CD247: variants seen among roughly 807,000 people sequenced by gnomAD.
CD247 encodes the protein CD247 molecule.
In CD247, 13 loss-of-function variants were observed where a neutral mutation model predicts 30.0. The observed-to-expected ratio is 0.43, with a 90% CI of 0.28 to 0.69. The LOEUF (loss-of-function observed/expected upper bound fraction) is 0.69. Ranked by LOEUF, CD247 falls within the 30% of genes least tolerant of loss-of-function variation. CD247 has a pLI of 0.16. For missense variants in CD247, 193 were observed against 212.6 expected, an observed-to-expected ratio of 0.91 and a Z score of 0.57; for synonymous variants, 72 against 80.0, an observed-to-expected ratio of 0.90 and a Z score of 0.53.
intron 1 of CD247, among the ~76,000 whole-genome samples, chr1:167,504,562 C>T (rs182555239): frequency 1.5e-3 from 223 of 152,316 alleles, no homozygotes; most frequent in African/African-American, 5.2e-3. Context: ...GCTGGCATAG[C>T]CTAACAGGAC....
chr1:167,486,442 T>A (rs1011790749), intron 1 of CD247, among the ~76,000 whole-genome samples: 1 of 152,192 alleles, frequency 6.6e-6, no homozygotes, highest in African/African-American at 2.4e-5. Context: ...AGACTGTTTA[T>A]GTGAAAATAC....
At chr1:167,490,899 C>A (rs1290143257) in intron 1 of CD247, among the ~76,000 whole-genome samples, 33 of 151,910 alleles carry the variant, frequency 2.2e-4, no homozygotes, top group Non-Finnish European at 1.5e-4. Context: ...GATCACACCA[C>A]TACATTCCAG....
chr1:167,509,583 T>C (rs773014866), intron 1 of CD247, among the ~76,000 whole-genome samples: 11 of 152,118 alleles, frequency 7.2e-5, no homozygotes, highest in Non-Finnish European at 1.6e-4. Context: ...TTTGGGGAGC[T>C]GTTGACATTT....
In CD247 at chr1:167,465,588, C is replaced by T. The variant is rs1374613339; in HGVS notation, c.59-24821G>A. ...TCAGGTGATCCATCTGCCTAGGCCT[C>T]CAAAAGTTCTGGTATTACAGGCGTG... On this transcript the variant is annotated intron_variant, in intron 1 of 7. Coordinates refer to ENST00000362089, the MANE Select transcript of CD247 (RefSeq NM_198053.3). Among the ~76,000 whole-genome samples the T allele has an allele frequency of 2.0e-5, 3 of 152,120 alleles. No homozygotes were observed. In the East Asian group the frequency reaches 5.8e-4, roughly 29 times the overall value.
intron 1 of CD247, among the ~76,000 whole-genome samples, chr1:167,454,481 GC>G (rs1245764496): frequency 6.6e-6 from 1 of 152,262 alleles, no homozygotes; most frequent in Non-Finnish European, 1.5e-5. Flanking sequence ...AGGAACAGGG[GC>G]TGGCCCATTT....
rs56297636 is a variant in CD247 at position 167,438,581 on chromosome 1, C to T, written c.289G>A (p.Gly97Arg). 3.1e-6 allele frequency: 5 copies of T among 1,613,740 alleles called. No individual in the cohort carries two copies. Among genetic ancestry groups the T allele is most frequent in the Non-Finnish European group, 3.4e-6 (4 of 1,179,752 alleles). ...AGAGGAACCCCTACCGGCTTTCCCC[C>T]CATCTCAGGGTCCCGGCCACGTCTC... is the stretch of plus-strand genomic sequence containing the variant. Reference protein sequence around the residue: ...DKRRGRDPEMGGKPQRRKNPQ... With the variant: ...DKRRGRDPEMRGKPQRRKNPQ... The change falls in exon 4 of 8, where the codon GGG (glycine) becomes AGG (arginine). Residue 97 changes from glycine to arginine, a missense_variant. Coordinates refer to ENST00000362089, the MANE Select transcript of CD247 (RefSeq NM_198053.3).
At chr1:167,436,530 C>T (rs1310370747) in intron 4 of CD247, among the ~76,000 whole-genome samples, 4 of 152,180 alleles carry the variant, frequency 2.6e-5, no homozygotes, top group African/African-American at 9.7e-5. Flanking sequence ...CTTCAATAAA[C>T]GGTGTTGGAA....
At chr1:167,513,862 TG>T (rs1173177797) in intron 1 of CD247, among the ~76,000 whole-genome samples, 1 of 152,244 alleles carries the variant, frequency 6.6e-6, no homozygotes, top group East Asian at 1.9e-4. Context: ...ACTTTAATAA[TG>T]GCAGGGTTTT....
intron 1 of CD247, chr1:167,448,597 T>C: frequency 1.1e-6 from 1 of 895,786 alleles, no homozygotes; most frequent in Non-Finnish European, 1.3e-6. Flanking sequence ...CACCCTGAAC[T>C]GCAGAACGAC....
intron 2 of CD247, 140 bp from the exon 3 acceptor site, chr1:167,439,540 G>A: frequency 1.3e-6 from 1 of 749,904 alleles, no homozygotes; most frequent in Non-Finnish European, 2.3e-6. Context: ...TCCTGGGGCT[G>A]AGCCCTTGCA....
At chr1:167,448,583 C>T (rs957225154) in intron 1 of CD247, 3 of 950,526 alleles carry the variant, frequency 3.2e-6, no homozygotes, top group Admixed American at 6.2e-5. Flanking sequence ...GGAGATACCT[C>T]AATCACCCTG....
intron 1 of CD247, among the ~76,000 whole-genome samples, chr1:167,443,741 T>G (rs1377799796): frequency 6.6e-6 from 1 of 152,214 alleles, no homozygotes; most frequent in Non-Finnish European, 1.5e-5. Flanking sequence ...CCCTCCTTCC[T>G]TCTTCCTTTC....
intron 1 of CD247, among the ~76,000 whole-genome samples, chr1:167,478,566 A>G (rs913541419): frequency 3.3e-5 from 5 of 152,312 alleles, no homozygotes; most frequent in Admixed American, 1.3e-4. Context: ...CTAAAAACCA[A>G]TTGGAGAGGC....
intron 1 of CD247, among the ~76,000 whole-genome samples, chr1:167,497,221 C>T (rs34048998): frequency 0.011 from 1,609 of 152,216 alleles, 27 homozygotes; most frequent in African/African-American, 0.036. Context: ...AAATAAAATG[C>T]ACATATCCAA....
At chr1:167,484,040 G>A (rs1490318235) in intron 1 of CD247, among the ~76,000 whole-genome samples, 1 of 152,224 alleles carries the variant, frequency 6.6e-6, no homozygotes, top group Admixed American at 6.5e-5. Context: ...GTCAAGGCTG[G>A]GGAGCCTGAA....
chr1:167,451,808 G>T (rs1481162219), intron 1 of CD247, among the ~76,000 whole-genome samples: 2 of 152,222 alleles, frequency 1.3e-5, no homozygotes, highest in Non-Finnish European at 2.9e-5. Flanking sequence ...TCGTGTCCTT[G>T]TAAGAAGACA....
chr1:167,451,851 A>G (rs1652364354), intron 1 of CD247, among the ~76,000 whole-genome samples: 1 of 152,236 alleles, frequency 6.6e-6, no homozygotes, highest in Non-Finnish European at 1.5e-5. Context: ...TCACGCCTGT[A>G]ATCCCAGCAC....
At chr1:167,490,840 G>A (rs1654415467) in intron 1 of CD247, among the ~76,000 whole-genome samples, 1 of 151,884 alleles carries the variant, frequency 6.6e-6, no homozygotes, top group Non-Finnish European at 1.5e-5. Flanking sequence ...GTTTGAACAT[G>A]GGCAGGAGAA....
At chr1:167,509,328 C>T (rs1457903033) in intron 1 of CD247, among the ~76,000 whole-genome samples, 1 of 144,822 alleles carries the variant, frequency 6.9e-6, no homozygotes, top group Non-Finnish European at 1.5e-5. Flanking sequence ...CGCGCCATTG[C>T]ACTCCAGCCT....
Sources: allele counts gnomAD v4.1 joint callset (sites outside exome capture counted in the v4.1 genomes callset), GRCh38; gene constraint gnomAD v4.1.1; transcripts MANE v1.5; gene names NCBI Gene and HGNC (gene_info 2026-07-23, HGNC 2026-07-21).